Variants in PIWIL4 observed in about 807,000 individuals in gnomAD.
PIWIL4 encodes the protein piwi like RNA-mediated gene silencing 4.
A neutral mutation model predicts 100.9 loss-of-function variants in PIWIL4; 50 were observed. The ratio of observed to expected loss-of-function variants is 0.50; its 90% CI spans 0.39 to 0.63. The LOEUF (loss-of-function observed/expected upper bound fraction) is 0.63. Ranked by LOEUF, PIWIL4 falls within the 20% of genes least tolerant of loss-of-function variation. The probability of loss-of-function intolerance (pLI) is 0.00; values close to 1 mark genes in which losing one functional copy is unlikely to be tolerated. For missense variants in PIWIL4, 887 were observed against 1,043.3 expected, an observed-to-expected ratio of 0.85 and a Z score of 2.06; for synonymous variants, 342 against 367.5, an observed-to-expected ratio of 0.93 and a Z score of 0.79.
intron 8 of PIWIL4, among the ~76,000 whole-genome samples, chr11:94,592,142 A>G (rs1021249547): frequency 1.3e-5 from 2 of 151,472 alleles, no homozygotes; most frequent in Admixed American, 1.3e-4. Context: ...CACCCCTCCC[A>G]CTCCAGCCCA....
Position 94,588,312 on chromosome 11 carries a change from A to G in PIWIL4, c.915-809A>G, listed in dbSNP as rs554978472. ...GATCCTGTTCCTTTTTATGGCTGCA[A>G]AAATACTTCTTTTAGGGGACTTGTT... On this transcript the variant is annotated intron_variant, in intron 7 of 19. Coordinates refer to ENST00000299001, the MANE Select transcript of PIWIL4 (RefSeq NM_152431.3). 1.7e-3 allele frequency among the ~76,000 whole-genome samples: 261 copies of G among 152,268 alleles called. 2 individuals carry two copies. The highest frequency in any genetic ancestry group is 2.8e-3 in the Non-Finnish European group (191 of 68,010).
chr11:94,601,580 G>T (rs910713267), intron 11 of PIWIL4, among the ~76,000 whole-genome samples: 1 of 152,202 alleles, frequency 6.6e-6, no homozygotes, highest in Non-Finnish European at 1.5e-5. Flanking sequence ...AGGGCCACCA[G>T]TGCCTGGAAG....
At position 94,583,454 on chromosome 11, in the gene PIWIL4, G is replaced by T; in HGVS notation, c.520G>T (p.Glu174Ter). ...LSQKLEEKVT[E>*]LSSETQRGET... ...AAGTACCTCTTTTTCCCAGGTCACA[G>T]AGTTGTCAAGTGAAACTCAAAGAGG... The change falls in exon 5 of 20, where the codon GAG (glutamate) becomes TAG (stop). Residue 174 changes from glutamate to a stop codon, truncating the protein, a stop_gained. Coordinates refer to ENST00000299001, the MANE Select transcript of PIWIL4 (RefSeq NM_152431.3). LOFTEE classifies it high-confidence loss of function. 1 of 1,613,690 alleles carries T rather than the reference G, an allele frequency of 6.2e-7. No homozygotes were observed. Among genetic ancestry groups the T allele is most frequent in the Non-Finnish European group, 8.5e-7 (1 of 1,179,642 alleles).
chr11:94,595,037 A>G (rs758188831), intron 9 of PIWIL4, among the ~76,000 whole-genome samples: 4 of 152,192 alleles, frequency 2.6e-5, no homozygotes, highest in Non-Finnish European at 5.9e-5. Context: ...TCAACAATAA[A>G]TGTTTTATGT....
chr11:94,594,778 C>T (rs1272077769), intron 9 of PIWIL4, among the ~76,000 whole-genome samples: 17 of 152,042 alleles, frequency 1.1e-4, no homozygotes, highest in African/African-American at 9.7e-5. Context: ...GTGATCCACC[C>T]GCCTCGGCCT....
At chr11:94,586,424 T>G (rs1948399105) in intron 6 of PIWIL4, among the ~76,000 whole-genome samples, 1 of 152,154 alleles carries the variant, frequency 6.6e-6, no homozygotes, top group Non-Finnish European at 1.5e-5. Flanking sequence ...TTATTCAAGA[T>G]TTTTAAGTTT....
chr11:94,576,892 GTTTC>G (rs1948245269), intron 3 of PIWIL4, among the ~76,000 whole-genome samples: 1 of 152,188 alleles, frequency 6.6e-6, no homozygotes, highest in African/African-American at 2.4e-5. Flanking sequence ...GAACCAGACT[GTTTC>G]TTTATGAGAG....
In PIWIL4 at chr11:94,587,097, G is replaced by A. The variant is rs1374230633; in HGVS notation, c.764G>A (p.Arg255Lys). 2 of 1,613,812 alleles carry A rather than the reference G, an allele frequency of 1.2e-6. No homozygotes were observed. Among genetic ancestry groups the A allele is most frequent in the Non-Finnish European group, 1.7e-6 (2 of 1,179,926 alleles). ...GCCATTTCTGTGTCATATTTTGAAA[G>A]GAAGCTCCTGTTTAGTGCTGATGTG... ...GFAISVSYFE[R>K]KLLFSADVSY... Residue 255 changes from arginine to lysine, a missense_variant, in exon 7 of 20, where the codon AGG becomes AAG. This residue lies in a region of PIWIL4 where 741 missense variants were observed against 930.0 expected (regional missense o/e 0.80). Transcript: ENST00000299001.
chr11:94,614,270 G>T (rs1469220286), intron 15 of PIWIL4, among the ~76,000 whole-genome samples: 1 of 145,120 alleles, frequency 6.9e-6, no homozygotes, highest in African/African-American at 2.5e-5. Context: ...GTGTTCCCTT[G>T]GTTGTGTCAT....
chr11:94,597,649 GCA>G (rs1948574128), intron 10 of PIWIL4, among the ~76,000 whole-genome samples, 153 bp from the exon 11 acceptor site: 1 of 152,150 alleles, frequency 6.6e-6, no homozygotes, highest in South Asian at 2.1e-4. Flanking sequence ...TCCCAAATGA[GCA>G]CAGTTGTCCC....
rs751015627 is a variant in PIWIL4, at chr11:94,604,900, CAG to C, written c.1638+848_1638+849del. Among the ~76,000 whole-genome samples the C allele has an allele frequency of 1.3e-5, 2 of 152,172 alleles. 1 individual carries two copies. The highest frequency in any genetic ancestry group is 4.1e-4 in the South Asian group (2 of 4,830). On this transcript the variant is annotated intron_variant, in intron 13 of 19. Coordinates refer to ENST00000299001, the MANE Select transcript of PIWIL4 (RefSeq NM_152431.3). ...TTACTCTAAAGGATCTTATATGAAA[CAG>C]AGAATTCTCACCCTAAGAGCATTTA...
chr11:94,597,588 AT>A (rs1340735553), intron 10 of PIWIL4, among the ~76,000 whole-genome samples: 1 of 152,106 alleles, frequency 6.6e-6, no homozygotes, highest in East Asian at 1.9e-4. Context: ...TCGAAAGCTT[AT>A]TTTTCTAACC....
At chr11:94,587,342 C>T in intron 7 of PIWIL4, 95 bp downstream of exon 7, 1 of 1,243,450 alleles carries the variant, frequency 8.0e-7, no homozygotes, top group South Asian at 1.4e-5. Flanking sequence ...CCCAATATCA[C>T]AGATCTAATC....
chr11:94,567,781 C>G, intron 1 of PIWIL4, 176 bp downstream of exon 1: 1 of 1,244,042 alleles, frequency 8.0e-7, no homozygotes, highest in Non-Finnish European at 1.0e-6. Flanking sequence ...TTCTAGGGAT[C>G]TTGTCTGAGT....
chr11:94,568,918 T>C, intron 2 of PIWIL4, 110 bp downstream of exon 2: 1 of 933,846 alleles, frequency 1.1e-6, no homozygotes, highest in East Asian at 2.5e-5. Flanking sequence ...CCTGATTTCC[T>C]TTCCTTGAAG....
chr11:94,567,601 C>A lies in PIWIL4; in HGVS notation c.83C>A (p.Pro28Gln). The A allele has an allele frequency of 6.2e-7, 1 of 1,603,056 alleles. No homozygotes were observed. The change falls in exon 1 of 20, where the codon CCA becomes CAA. Residue 28 changes from proline (P) to glutamine (Q), a missense_variant. By Grantham distance (76) the Pro-to-Gln change is moderately conservative. This residue lies in a region of PIWIL4 where 146 missense variants were observed against 113.4 expected (regional missense o/e 1.29). Transcript: ENST00000299001. ...GAAGTGGGGCGCATCCAAGCCTCGCCATTGGTGTGTAGAATGCTTATTGCG... is the reference window on the plus strand; with the variant it reads ...GAAGTGGGGCGCATCCAAGCCTCGCAATTGGTGTGTAGAATGCTTATTGCG... ...ATEVGRIQAS[P>Q]LPRSVDLSNN...
At chr11:94,586,777 G>A (rs1209268243) in intron 6 of PIWIL4, among the ~76,000 whole-genome samples, 2 of 152,132 alleles carry the variant, frequency 1.3e-5, no homozygotes, top group African/African-American at 2.4e-5. Context: ...TACACAGGAC[G>A]GTCCCTAACA....
intron 4 of PIWIL4, among the ~76,000 whole-genome samples, chr11:94,579,424 AGAAC>A (rs1432408747): frequency 1.5e-5 from 2 of 130,352 alleles, no homozygotes; most frequent in East Asian, 2.5e-4. Context: ...CAAGAAAAAA[AGAAC>A]CAATTTCTGT....
At chr11:94,609,972 A>C (rs1409953814) in intron 15 of PIWIL4, among the ~76,000 whole-genome samples, 1 of 152,138 alleles carries the variant, frequency 6.6e-6, no homozygotes, top group Non-Finnish European at 1.5e-5. Context: ...CATGCTGTAC[A>C]TTGTGTCCAA....
Sources: gnomAD v4.1 joint callset for allele counts (sites outside exome capture counted in the v4.1 genomes callset) on GRCh38, gnomAD v4.1.1 for gene constraint, gnomAD v4.1.1 regional missense constraint, MANE v1.5 for transcripts, NCBI Gene and HGNC (gene_info 2026-07-23, HGNC 2026-07-21) for gene names.